The following RHOBTB2 variants were observed in gnomAD, a reference collection of about 807,000 sequenced individuals.
RHOBTB2 encodes the protein Rho related BTB domain containing 2.
A neutral mutation model predicts 66.5 loss-of-function variants in RHOBTB2; 39 were observed. The ratio of observed to expected loss-of-function variants is 0.59; its 90% CI spans 0.45 to 0.77. The LOEUF is 0.77. RHOBTB2 is among the 30% of genes least tolerant of loss of function. The pLI is 0.00. For synonymous variants in RHOBTB2, 390 were observed against 395.0 expected (o/e 0.99, Z 0.15); for missense variants, 755 against 999.1 (o/e 0.76, Z 3.29).
intron 1 of RHOBTB2, 83 bp downstream of exon 1, chr8:23,000,188 C>T: frequency 1.3e-5 from 12 of 931,176 alleles, no homozygotes; most frequent in Non-Finnish European, 1.5e-5. Context: ...TGCCCTGCCG[C>T]GCCCCTCGCT....
At position 23,018,762 on chromosome 8, in the gene RHOBTB2, G is replaced by C. The variant is rs559018803; in HGVS notation, c.*1293G>C. ...GAGTGCTTATGGTGGGTGTTTTTGC[G>C]GGGCTGCAATAGGGGCCAAAAGTCA... On this transcript the variant is annotated 3_prime_UTR_variant, in exon 10 of 10. Transcript: ENST00000251822. The C allele has an allele frequency of 1.3e-5, 2 of 152,548 alleles. No individual in the cohort carries two copies. Among genetic ancestry groups the C allele is most frequent in the South Asian group, 4.1e-4 (2 of 4,826 alleles). 9.4% of individuals were successfully genotyped at this position (152,548 alleles called of 1,614,324 possible). A position where few individuals can be genotyped will look rare whatever the true frequency, so the allele number is the denominator to read the frequency against.
the RHOBTB2 span, among the ~76,000 whole-genome samples, chr8:22,958,307 T>G: frequency 2.0e-4 from 31 of 152,332 alleles, no homozygotes; most frequent in African/African-American, 7.5e-4. Context: ...GTTAGTCTTC[T>G]GCAACCTGGA....
chr8:23,004,209 A>G lies in RHOBTB2; in HGVS notation c.-10-216A>G, dbSNP rs1407503952. 1.0e-5 allele frequency: 6 copies of G among 578,674 alleles called. No homozygotes were observed. In the East Asian group the frequency reaches 1.8e-4, roughly 17 times the overall value. The allele number at this position is 578,674 out of a possible 1,614,324, so 35.8% of individuals were successfully genotyped here. ...GGAGCAGGAAGGGGACAGGTGGCCC[A>G]TCTGGTGACACTGCTCCTCTCAGCC... On this transcript the variant is annotated intron_variant, in intron 1 of 9. Transcript: ENST00000251822. This position sits in a 1 kb window ranked among gnomAD's most constrained non-coding sequence, Gnocchi z 6.4.
rs1160974669 is a variant in RHOBTB2, at chr8:23,004,363, G to C, written c.-10-62G>C. 7.0e-7 allele frequency: 1 copy of C among 1,433,352 alleles called. No individual in the cohort carries two copies. The highest frequency in any genetic ancestry group is 9.8e-7 in the Non-Finnish European group (1 of 1,019,178). 88.8% of individuals were successfully genotyped at this position (1,433,352 alleles called of 1,614,324 possible). Reference sequence around the variant, plus strand: ...TGGCTGAGGAGAGCTGCGGGTGCTGGCCCTGGCCCACGGCGAGCTGGCATG... The same window carrying C: ...TGGCTGAGGAGAGCTGCGGGTGCTGCCCCTGGCCCACGGCGAGCTGGCATG... On this transcript the variant is annotated intron_variant, in intron 1 of 9. Transcript: ENST00000251822. The surrounding 1 kb of genome is among the most constrained non-coding windows in gnomAD (Gnocchi z 6.4).
At chr8:22,988,224 A>G (rs1810334055) in intron 1 of RHOBTB2, among the ~76,000 whole-genome samples, 1 of 140,860 alleles carries the variant, frequency 7.1e-6, no homozygotes, top group African/African-American at 2.7e-5. Context: ...CAATGGCGCA[A>G]TCTCGGCCCA....
At position 23,017,111 on chromosome 8, in the gene RHOBTB2, C is replaced by T. The variant is rs77671486; in HGVS notation, c.1967-141C>T. The stretch of plus-strand genomic sequence containing the variant: ...GGGAACTTTGCTTGCCTCGGAGGCT[C>T]ATGTGCCGTGGGTCATGGGGATGTG... On this transcript the variant is annotated intron_variant, in intron 9 of 9. Transcript: ENST00000251822. This position sits in a 1 kb window ranked among gnomAD's most constrained non-coding sequence, Gnocchi z 5.3. The T allele has an allele frequency of 8.9e-4, 960 of 1,073,172 alleles. 10 individuals are homozygous for T. The African/African-American group carries it at 0.014, about 15-fold the overall frequency. 66.5% of individuals were successfully genotyped at this position (1,073,172 alleles called of 1,614,324 possible).
chr8:23,011,904 A>C (rs886821541), intron 7 of RHOBTB2, among the ~76,000 whole-genome samples: 1 of 152,202 alleles, frequency 6.6e-6, no homozygotes, highest in Non-Finnish European at 1.5e-5. Flanking sequence ...TATGAGGGAA[A>C]ACAGCAATCC....
At chr8:22,985,367 C>A (rs1026383862), upstream of RHOBTB2, among the ~76,000 whole-genome samples, 1 of 152,246 alleles carries the variant, frequency 6.6e-6, no homozygotes, top group African/African-American at 2.4e-5. Context: ...CTCCTTTGTG[C>A]TCAAACAGCG....
the RHOBTB2 span, among the ~76,000 whole-genome samples, chr8:22,952,824 G>T: frequency 6.6e-6 from 1 of 152,148 alleles, no homozygotes; most frequent in Non-Finnish European, 1.5e-5. Flanking sequence ...AGAATTGCTT[G>T]AACTCGGGAG....
In RHOBTB2 at chr8:23,004,311, G is replaced by C. The variant is rs1462371324; in HGVS notation, c.-10-114G>C. On this transcript the variant is annotated intron_variant, in intron 1 of 9. Coordinates refer to ENST00000251822, the MANE Select transcript of RHOBTB2 (RefSeq NM_015178.3). The surrounding 1 kb of genome is among the most constrained non-coding windows in gnomAD (Gnocchi z 6.4). The stretch of plus-strand genomic sequence containing the variant: ...TGCCCACTCCTTCCTCCTCCTGTCA[G>C]CTCCGGGGCTTGCAGAGGGGGCAGC... 47 of 874,102 alleles carry C rather than the reference G, an allele frequency of 5.4e-5. No homozygotes were observed. In the South Asian group the frequency reaches 6.8e-4, roughly 13 times the overall value. The allele number at this position is 874,102 out of a possible 1,614,324, so 54.1% of individuals were successfully genotyped here.
At position 23,018,441 on chromosome 8, in the gene RHOBTB2, G is replaced by GCC. The variant is rs1179337132; in HGVS notation, c.*975_*976dup. On this transcript the variant is annotated 3_prime_UTR_variant, in exon 10 of 10. Coordinates refer to ENST00000251822, the MANE Select transcript of RHOBTB2 (RefSeq NM_015178.3). Reference sequence around the variant, plus strand: ...CTCCAAAGAATGAAAATCAGAAAAAGCCCCTGCCTAGCTCACATTTCTATA... The same window carrying GCC: ...CTCCAAAGAATGAAAATCAGAAAAAGCCCCCCTGCCTAGCTCACATTTCTATA... 1.3e-5 allele frequency: 2 copies of GCC among 152,680 alleles called. No individual in the cohort carries two copies. Among genetic ancestry groups the GCC allele is most frequent in the East Asian group, 3.9e-4 (2 of 5,186 alleles). The allele number at this position is 152,680 out of a possible 1,614,324, so 9.5% of individuals were successfully genotyped here. A position where few individuals can be genotyped will look rare whatever the true frequency, so the allele number is the denominator to read the frequency against.
the RHOBTB2 span, among the ~76,000 whole-genome samples, chr8:22,953,207 A>T: frequency 6.6e-6 from 1 of 152,160 alleles, no homozygotes; most frequent in Non-Finnish European, 1.5e-5. Context: ...GAGGAACGTC[A>T]TGTACCAGTT....
the RHOBTB2 span, among the ~76,000 whole-genome samples, chr8:22,975,516 A>G: frequency 6.6e-6 from 1 of 152,158 alleles, no homozygotes; most frequent in South Asian, 2.1e-4. Flanking sequence ...CCTGAGGCTG[A>G]GAAGGCCAGG....
At chr8:22,960,805 C>T in the RHOBTB2 span, among the ~76,000 whole-genome samples, 1 of 152,184 alleles carries the variant, frequency 6.6e-6, no homozygotes, top group Non-Finnish European at 1.5e-5. Context: ...ATTTCTGGGA[C>T]TCACAATCAC....
At chr8:22,984,200 TA>T (rs1391883320), upstream of RHOBTB2, among the ~76,000 whole-genome samples, 41 of 152,208 alleles carry the variant, frequency 2.7e-4, no homozygotes, top group Admixed American at 1.6e-3. Context: ...CAAGCCAACC[TA>T]AACAGTATAT....
At chr8:22,973,404 A>G in the RHOBTB2 span, among the ~76,000 whole-genome samples, 7 of 151,418 alleles carry the variant, frequency 4.6e-5, no homozygotes, top group Admixed American at 4.6e-4. Flanking sequence ...AATTTTTTTT[A>G]TTTTGTGTAG....
At chr8:23,005,262 C>A in intron 2 of RHOBTB2, 110 bp from the exon 3 acceptor site, 2 of 730,550 alleles carry the variant, frequency 2.7e-6, no homozygotes, top group Non-Finnish European at 4.9e-6. Context: ...TCCCTCCATG[C>A]CCAGTGATGT....
chr8:22,994,271 CA>C (rs1453494504), intron 2 of RHOBTB2, among the ~76,000 whole-genome samples: 1 of 152,164 alleles, frequency 6.6e-6, no homozygotes, highest in Non-Finnish European at 1.5e-5. Flanking sequence ...CGCTCTTTTC[CA>C]AATCGCCAAA....
the RHOBTB2 span, among the ~76,000 whole-genome samples, chr8:22,962,979 G>A: frequency 6.6e-6 from 1 of 152,256 alleles, no homozygotes; most frequent in Non-Finnish European, 1.5e-5. Context: ...AGTGGCCACA[G>A]AAGTGCTGAA....
Sources: gnomAD v4.1 joint callset for allele counts (sites outside exome capture counted in the v4.1 genomes callset) on GRCh38, gnomAD v4.1.1 for gene constraint, Gnocchi (gnomAD v3.1) non-coding constraint, MANE v1.5 for transcripts, NCBI Gene and HGNC (gene_info 2026-07-23, HGNC 2026-07-21) for gene names.